The following DCN variants were observed in gnomAD, a reference collection of about 807,000 sequenced individuals.
DCN encodes decorin.
DCN carries 17 observed loss-of-function variants against 36.5 expected under a neutral mutation model. The ratio of observed to expected loss-of-function variants is 0.47; its 90% CI spans 0.32 to 0.70. DCN has a LOEUF of 0.70. Ranked by LOEUF, DCN falls within the 30% of genes least tolerant of loss-of-function variation. The probability of loss-of-function intolerance (pLI) is 0.04; values close to 1 mark genes in which losing one functional copy is unlikely to be tolerated. For synonymous variants in DCN, 163 were observed against 161.4 expected, an observed-to-expected ratio of 1.01 and a Z score of -0.07; for missense variants, 389 against 430.1, an observed-to-expected ratio of 0.90 and a Z score of 0.84.
chr12:91,158,656 A>T, intron 3 of DCN, 147 bp from the exon 4 acceptor site: 1 of 654,892 alleles, frequency 1.5e-6, no homozygotes. Flanking sequence ...AGTAAGTATT[A>T]TTTCTTTACT....
At chr12:91,181,953 G>A (rs1868422356) in intron 1 of DCN, among the ~76,000 whole-genome samples, 1 of 151,040 alleles carries the variant, frequency 6.6e-6, no homozygotes, top group African/African-American at 2.4e-5. Flanking sequence ...CTTAATCAGT[G>A]GTCACTGTGT....
At chr12:91,164,400 CAAAAAAA>C (rs5799980) in intron 3 of DCN, among the ~76,000 whole-genome samples, 198 bp downstream of exon 3, 27,147 of 79,366 alleles carry the variant, frequency 0.34, 4,305 homozygotes, top group Middle Eastern at 0.49. Flanking sequence ...AAGCATAATT[CAAAAAAA>C]AAAAAAAAAA....
intron 6 of DCN, 103 bp from the exon 7 acceptor site, chr12:91,151,895 T>C: frequency 1.5e-6 from 2 of 1,318,032 alleles, no homozygotes; most frequent in Admixed American, 1.8e-5. Context: ...TTTTTTGTTT[T>C]TGCACTTACT....
chr12:91,156,438 G>A (rs1373559492), intron 5 of DCN, among the ~76,000 whole-genome samples: 2 of 152,102 alleles, frequency 1.3e-5, no homozygotes, highest in Admixed American at 6.5e-5. Flanking sequence ...TCAATGAAGT[G>A]GATAGCAGTA....
chr12:91,146,766 G>A (rs967492986), intron 7 of DCN, among the ~76,000 whole-genome samples: 1 of 152,130 alleles, frequency 6.6e-6, no homozygotes, highest in Non-Finnish European at 1.5e-5. Context: ...TAAATTGCAT[G>A]CCAATCATTT....
chr12:91,165,751 G>C lies in DCN; in HGVS notation c.212-1034C>G, dbSNP rs867808806. Reference sequence around the variant, plus strand: ...CAGAAATATTTTTTAGCCTTTGGTAGAAGCAATCTCTCCATCATATCTGAA... The same window carrying C: ...CAGAAATATTTTTTAGCCTTTGGTACAAGCAATCTCTCCATCATATCTGAA... On this transcript the variant is annotated intron_variant, in intron 2 of 7. Transcript: ENST00000052754. Among the ~76,000 whole-genome samples the C allele has an allele frequency of 9.4e-4, 143 of 152,146 alleles. 1 individual carries two copies. Among genetic ancestry groups the C allele is most frequent in the African/African-American group, 3.3e-3 (138 of 41,508 alleles).
In DCN at chr12:91,143,085, G is replaced by T. The variant is rs1880803542; in HGVS notation, c.*2973C>A. The T allele has an allele frequency of 6.6e-6, 1 of 152,132 alleles. No homozygotes were observed. Among genetic ancestry groups the T allele is most frequent in the South Asian group, 2.1e-4 (1 of 4,828 alleles). The allele number at this position is 152,132 out of a possible 1,614,324, so 9.4% of individuals were successfully genotyped here. On this transcript the variant is annotated 3_prime_UTR_variant, in exon 8 of 8. Transcript: ENST00000052754. ...AAGACACAAACACATGAGAGAGAAG[G>T]CCATGTGAGGGTGAAGATGGAGGCA...
At chr12:91,146,596 C>T (rs990918029) in intron 7 of DCN, among the ~76,000 whole-genome samples, 11 of 151,992 alleles carry the variant, frequency 7.2e-5, no homozygotes, top group East Asian at 1.9e-4. Context: ...TCAAGTGATC[C>T]GGCCACCTCA....
At chr12:91,162,374 A>C (rs1882217531) in intron 3 of DCN, among the ~76,000 whole-genome samples, 1 of 152,174 alleles carries the variant, frequency 6.6e-6, no homozygotes, top group Non-Finnish European at 1.5e-5. Flanking sequence ...GCTATTGTAA[A>C]GTTTATAACT....
intron 2 of DCN, among the ~76,000 whole-genome samples, chr12:91,174,316 T>A (rs1883159665): frequency 6.6e-6 from 1 of 152,064 alleles, no homozygotes; most frequent in African/African-American, 2.4e-5. Context: ...ACAACCCATA[T>A]ACTTATTAGA....
intron 4 of DCN, among the ~76,000 whole-genome samples, 154 bp from the exon 5 acceptor site, chr12:91,157,342 G>T (rs1039548349): frequency 6.6e-6 from 1 of 152,098 alleles, no homozygotes; most frequent in African/African-American, 2.4e-5. Flanking sequence ...TGCTCCTCAG[G>T]AGAATAGCAA....
intron 2 of DCN, chr12:91,176,799 T>G (rs1883317406): frequency 6.6e-6 from 1 of 152,210 alleles, no homozygotes; most frequent in Non-Finnish European, 1.5e-5. Context: ...CGCATTACAT[T>G]TTTTGGGAAC....
rs780269652 is a variant in DCN at position 91,157,540 on chromosome 12, TC to T, written c.539-353del. Among the ~76,000 whole-genome samples, 20 of 152,338 alleles carry T rather than the reference TC, an allele frequency of 1.3e-4. No homozygotes were observed. The East Asian group carries it at 2.5e-3, about 19-fold the overall frequency. On this transcript the variant is annotated intron_variant, in intron 4 of 7. Coordinates refer to ENST00000052754, the MANE Select transcript of DCN (RefSeq NM_001920.5). ...TCCCATCTTACGTTATTTATTATTTTCCTAAGGTATTTTAAAATTTTGTTAA... is the reference window on the plus strand; with the variant it reads ...TCCCATCTTACGTTATTTATTATTTTCTAAGGTATTTTAAAATTTTGTTAA...
chr12:91,171,395 T>C (rs1316307432), intron 2 of DCN, among the ~76,000 whole-genome samples: 1 of 152,212 alleles, frequency 6.6e-6, no homozygotes, highest in African/African-American at 2.4e-5. Context: ...AAAGATGGCA[T>C]ACATTAAATT....
intron 1 of DCN, chr12:91,180,711 T>C (rs1303387660): frequency 1.3e-5 from 2 of 152,274 alleles, no homozygotes; most frequent in South Asian, 2.1e-4. Flanking sequence ...GAGAAGACTT[T>C]TGTTTTGGCA....
intron 6 of DCN, 45 bp from the exon 7 acceptor site, chr12:91,151,837 C>T (rs1053706937): frequency 1.9e-6 from 3 of 1,611,128 alleles, no homozygotes; most frequent in Admixed American, 1.7e-5. Flanking sequence ...CACATGGATG[C>T]CTTTCTTACA....
intron 7 of DCN, among the ~76,000 whole-genome samples, chr12:91,148,816 G>C (rs1481663689): frequency 6.8e-6 from 1 of 147,606 alleles, no homozygotes. Flanking sequence ...CTTTGTTTTT[G>C]TAAGGGCTGA....
rs1473805153 is a variant in DCN at position 91,150,553 on chromosome 12, G to A, written c.885+1101C>T. Reference sequence around the variant, plus strand: ...GGCTGGAGATGAGATATTATCTCATGCCAGTCAGTATGGTGATTATTAAAA... The same window carrying A: ...GGCTGGAGATGAGATATTATCTCATACCAGTCAGTATGGTGATTATTAAAA... On this transcript the variant is annotated intron_variant, in intron 7 of 7. Coordinates refer to ENST00000052754, the MANE Select transcript of DCN (RefSeq NM_001920.5). 4.6e-5 allele frequency among the ~76,000 whole-genome samples: 7 copies of A among 152,242 alleles called. No individual in the cohort carries two copies. In the East Asian group the frequency reaches 1.4e-3, roughly 29 times the overall value.
At chr12:91,172,954 A>G (rs917900152) in intron 2 of DCN, 9 of 473,860 alleles carry the variant, frequency 1.9e-5, no homozygotes, top group Non-Finnish European at 2.9e-5. Flanking sequence ...ATTATTATAG[A>G]ATAATCAAAG....
Sources: gnomAD v4.1 joint callset for allele counts (sites outside exome capture counted in the v4.1 genomes callset) on GRCh38, gnomAD v4.1.1 for gene constraint, MANE v1.5 for transcripts, NCBI Gene and HGNC (gene_info 2026-07-23, HGNC 2026-07-21) for gene names.